The following GPR132 variants were observed in gnomAD, a reference collection of about 807,000 sequenced individuals.
GPR132 encodes the protein G protein-coupled receptor 132, also known as probable G protein-coupled receptor 132.
In GPR132, 4 loss-of-function variants were observed where a neutral mutation model predicts 1.9. That is an observed-to-expected ratio of 2.13 (90% confidence interval 1.05 to 4.87). GPR132 has a LOEUF of 4.87. GPR132 is among the 30% of genes most tolerant of loss of function. GPR132 has a pLI of 0.01. For synonymous variants in GPR132, 233 were observed against 234.2 expected (o/e 0.99, Z 0.05); for missense variants, 404 against 512.5 (o/e 0.79, Z 2.04).
intron 1 of GPR132, among the ~76,000 whole-genome samples, chr14:105,061,697 G>A (rs1418833081): frequency 2.0e-5 from 3 of 152,174 alleles, no homozygotes; most frequent in Non-Finnish European, 4.4e-5. Flanking sequence ...AGGCCAGGCA[G>A]AGGCTTCCTG....
Position 105,050,732 on chromosome 14 carries a change from A to T in GPR132, c.*262T>A, listed in dbSNP as rs867639155. On this transcript the variant is annotated 3_prime_UTR_variant, in exon 4 of 4. Coordinates refer to ENST00000329797, the MANE Select transcript of GPR132 (RefSeq NM_013345.4). The surrounding 1 kb of genome is among the most constrained non-coding windows in gnomAD (Gnocchi z 4.0). ...AGGGAGCCAGCCAGGCAGGCTGCTG[A>T]TGAAGAGGCCCCACTGCCTGCCACA... The T allele has an allele frequency of 1.9e-6, 1 of 518,612 alleles. No individual in the cohort carries two copies. Among genetic ancestry groups the T allele is most frequent in the Admixed American group, 3.4e-5 (1 of 29,406 alleles). 32.1% of individuals were successfully genotyped at this position (518,612 alleles called of 1,614,324 possible). A position where few individuals can be genotyped will look rare whatever the true frequency, so the allele number is the denominator to read the frequency against.
At chr14:105,058,519 T>C (rs1333700144) in intron 1 of GPR132, among the ~76,000 whole-genome samples, 2 of 152,272 alleles carry the variant, frequency 1.3e-5, no homozygotes, top group African/African-American at 2.4e-5. Flanking sequence ...TGTTTGAGAG[T>C]AGGCAATGGG....
Position 105,055,269 on chromosome 14 carries a change from G to T in GPR132, c.34+118C>A. On this transcript the variant is annotated intron_variant, in intron 3 of 3. Coordinates refer to ENST00000329797, the MANE Select transcript of GPR132 (RefSeq NM_013345.4). The surrounding 1 kb of genome is among the most constrained non-coding windows in gnomAD (Gnocchi z 4.7). Reference sequence around the variant, plus strand: ...TTGAACCTGGGAGGCAGAAGCTGCAGTGAGCCGAGATTGTGCCACTGCACT... The same window carrying T: ...TTGAACCTGGGAGGCAGAAGCTGCATTGAGCCGAGATTGTGCCACTGCACT... 5 of 754,496 alleles carry T rather than the reference G, an allele frequency of 6.6e-6. No homozygotes were observed. Among genetic ancestry groups the T allele is most frequent in the Admixed American group, 1.7e-5 (1 of 57,784 alleles). The allele number at this position is 754,496 out of a possible 1,614,324, so 46.7% of individuals were successfully genotyped here.
At position 105,060,549 on chromosome 14, in the gene GPR132, TC is replaced by T. The variant is rs780935790; in HGVS notation, c.-860-3270del. On this transcript the variant is annotated intron_variant, in intron 1 of 3. Coordinates refer to ENST00000329797, the MANE Select transcript of GPR132 (RefSeq NM_013345.4). The surrounding 1 kb of genome is among the most constrained non-coding windows in gnomAD (Gnocchi z 6.3). ...CTACTCCGATTCTGCAGCCGCCCCC[TC>T]CCCACCTTTCAAATTCTGAATAACA... is the stretch of plus-strand genomic sequence containing the variant. Among the ~76,000 whole-genome samples, 1 of 152,062 alleles carries T rather than the reference TC, an allele frequency of 6.6e-6. No homozygotes were observed. Among genetic ancestry groups the T allele is most frequent in the African/African-American group, 2.4e-5 (1 of 41,400 alleles).
rs528012974 is a variant in GPR132, at chr14:105,055,081, A to T, written c.34+306T>A. ...TGGGCCGTTCATTCCTTCAATCCCA[A>T]CGCTTTGGAAGGACAAGGCAGGTGG... is the stretch of plus-strand genomic sequence containing the variant. On this transcript the variant is annotated intron_variant, in intron 3 of 3. Transcript: ENST00000329797. This position sits in a 1 kb window ranked among gnomAD's most constrained non-coding sequence, Gnocchi z 4.7. Among the ~76,000 whole-genome samples, 1 of 150,382 alleles carries T rather than the reference A, an allele frequency of 6.6e-6. No homozygotes were observed. The highest frequency in any genetic ancestry group is 6.6e-5 in the Admixed American group (1 of 15,080).
chr14:105,062,540 C>CTTTTTTTTT (rs59869492), intron 1 of GPR132, among the ~76,000 whole-genome samples: 28 of 128,676 alleles, frequency 2.2e-4, no homozygotes, highest in Admixed American at 3.1e-4. Context: ...CTTTTCTTTT[C>CTTTTTTTTT]TTTTTTTTTT....
chr14:105,053,908 G>T, intron 3 of GPR132: 3 of 1,129,636 alleles, frequency 2.7e-6, no homozygotes, highest in Middle Eastern at 4.2e-4. Flanking sequence ...AAGAAAAGGA[G>T]ATCAAAGTGA....
chr14:105,061,063 GCAC>G (rs1886928979), intron 1 of GPR132, among the ~76,000 whole-genome samples: 1 of 152,264 alleles, frequency 6.6e-6, no homozygotes, highest in South Asian at 2.1e-4. Flanking sequence ...TGACCTTTGG[GCAC>G]CACAGCCTGG....
intron 1 of GPR132, among the ~76,000 whole-genome samples, chr14:105,063,520 C>T (rs1368297118): frequency 4.0e-5 from 6 of 151,604 alleles, no homozygotes; most frequent in Non-Finnish European, 7.4e-5. Flanking sequence ...GATTAGCAGG[C>T]GCCTGCCACC....
chr14:105,058,459 T>G, intron 1 of GPR132, among the ~76,000 whole-genome samples: 1 of 152,244 alleles, frequency 6.6e-6, no homozygotes, highest in Admixed American at 6.5e-5. Context: ...TTTTAAAATC[T>G]TTTTTTGGCC....
chr14:105,061,765 G>T (rs1390168458), intron 1 of GPR132, among the ~76,000 whole-genome samples: 1 of 152,112 alleles, frequency 6.6e-6, no homozygotes, highest in Non-Finnish European at 1.5e-5. Flanking sequence ...TCCCTCCTGG[G>T]CTGTGCATGG....
rs572751699 is a variant in GPR132 at position 105,050,159 on chromosome 14, TTCTC to T, written c.*831_*834del. On this transcript the variant is annotated 3_prime_UTR_variant, in exon 4 of 4. Coordinates refer to ENST00000329797, the MANE Select transcript of GPR132 (RefSeq NM_013345.4). This position sits in a 1 kb window ranked among gnomAD's most constrained non-coding sequence, Gnocchi z 4.0. ...GCCCCGAGGGTGCAGGGAGCTGGCT[TTCTC>T]CGCCAGACAAGCAGGCCAACTGCTG... is the stretch of plus-strand genomic sequence containing the variant. 301 of 152,526 alleles carry T rather than the reference TTCTC, an allele frequency of 2.0e-3. No individual in the cohort carries two copies. The highest frequency in any genetic ancestry group is 4.4e-3 in the Admixed American group (68 of 15,304). The allele number at this position is 152,526 out of a possible 1,614,324, so 9.4% of individuals were successfully genotyped here.
intron 3 of GPR132, chr14:105,054,354 C>T (rs1451524273): frequency 1.0e-6 from 1 of 985,256 alleles, no homozygotes; most frequent in Non-Finnish European, 1.2e-6. Context: ...GGCCTGTTGA[C>T]CTCCAGCACG....
intron 1 of GPR132, among the ~76,000 whole-genome samples, chr14:105,058,737 C>A (rs931471393): frequency 1.3e-5 from 2 of 152,208 alleles, no homozygotes; most frequent in South Asian, 4.1e-4. Flanking sequence ...GCATGATGGG[C>A]GGGCAGCAGA....
chr14:105,064,000 C>G (rs188315311), intron 1 of GPR132, among the ~76,000 whole-genome samples: 1 of 151,910 alleles, frequency 6.6e-6, no homozygotes, highest in Non-Finnish European at 1.5e-5. Flanking sequence ...CCACCACGCC[C>G]GGCTAATTTT....
At position 105,060,788 on chromosome 14, in the gene GPR132, G is replaced by A. The variant is rs765782473; in HGVS notation, c.-860-3508C>T. Among the ~76,000 whole-genome samples the A allele has an allele frequency of 5.9e-5, 9 of 152,198 alleles. No homozygotes were observed. The highest frequency in any genetic ancestry group is 1.3e-4 in the Non-Finnish European group (9 of 68,030). On this transcript the variant is annotated intron_variant, in intron 1 of 3. Coordinates refer to ENST00000329797, the MANE Select transcript of GPR132 (RefSeq NM_013345.4). The surrounding 1 kb of genome is among the most constrained non-coding windows in gnomAD (Gnocchi z 6.3). ...GTCCAGGGCTGTGCCGCCCAGTCAC[G>A]CCAATGCCAGCCGGCAACCCTGGGT...
At position 105,051,295 on chromosome 14, in the gene GPR132, C is replaced by A. The variant is rs545237537; in HGVS notation, c.842G>T (p.Gly281Val). ...GGCTGTGTACAGCCTTTCCTCCAAG[C>A]CGCACATGGCGTTCCTGTCTCCTCT... Reference protein sequence around the residue: ...YYRGDRNAMCGLEERLYTASV... With the variant: ...YYRGDRNAMCVLEERLYTASV... Residue 281 changes from glycine to valine, a missense_variant, in exon 4 of 4, where the codon GGC becomes GTC. Transcript: ENST00000329797. The surrounding 1 kb of genome is among the most constrained non-coding windows in gnomAD (Gnocchi z 8.0). 3 of 1,613,978 alleles carry A rather than the reference C, an allele frequency of 1.9e-6. No individual in the cohort carries two copies. Among genetic ancestry groups the A allele is most frequent in the Non-Finnish European group, 2.5e-6 (3 of 1,179,844 alleles).
In GPR132 at chr14:105,056,174, G is replaced by A. The variant is rs909292583; in HGVS notation, c.-746-8C>T. 25 of 985,968 alleles carry A rather than the reference G, an allele frequency of 2.5e-5. No homozygotes were observed. In the African/African-American group the frequency reaches 4.4e-4, roughly 17 times the overall value. 61.1% of individuals were successfully genotyped at this position (985,968 alleles called of 1,614,324 possible). A position where few individuals can be genotyped will look rare whatever the true frequency, so the allele number is the denominator to read the frequency against. The stretch of plus-strand genomic sequence containing the variant: ...CCTTGCTCACCTTCCTCCCTGGGCA[G>A]AGGGAGAGAGTGGGTGTGACTGGGC... On this transcript the variant is annotated splice_region_variant and splice_polypyrimidine_tract_variant and intron_variant, in intron 2 of 3. Coordinates refer to ENST00000329797, the MANE Select transcript of GPR132 (RefSeq NM_013345.4). This position sits in a 1 kb window ranked among gnomAD's most constrained non-coding sequence, Gnocchi z 6.0.
rs778634514 is a variant in GPR132 at position 105,051,817 on chromosome 14, C to T, written c.320G>A (p.Arg107His). Reference sequence around the variant, plus strand: ...GCAGGCCAGCAGGCCTAGGGTCCAGCGGTGCTGGTTGCGGATATAGATGAC... The same window carrying T: ...GCAGGCCAGCAGGCCTAGGGTCCAGTGGTGCTGGTTGCGGATATAGATGAC... ...LWVIYIRNQH[R>H]WTLGLLACKV... Residue 107 changes from arginine (R) to histidine (H), a missense_variant, in exon 4 of 4, where the codon CGC becomes CAC. Coordinates refer to ENST00000329797, the MANE Select transcript of GPR132 (RefSeq NM_013345.4). This position sits in a 1 kb window ranked among gnomAD's most constrained non-coding sequence, Gnocchi z 8.0. The T allele has an allele frequency of 9.9e-6, 16 of 1,614,000 alleles. No individual in the cohort carries two copies. Among genetic ancestry groups the T allele is most frequent in the Non-Finnish European group, 1.0e-5 (12 of 1,180,026 alleles).
Sources: gnomAD v4.1 joint callset for allele counts (sites outside exome capture counted in the v4.1 genomes callset) on GRCh38, gnomAD v4.1.1 for gene constraint, Gnocchi (gnomAD v3.1) non-coding constraint, MANE v1.5 for transcripts, NCBI Gene and HGNC (gene_info 2026-07-23, HGNC 2026-07-21) for gene names.